HNRNPA3: variants seen among roughly 807,000 people sequenced by gnomAD.
The protein encoded by HNRNPA3 is heterogeneous nuclear ribonucleoprotein A3.
In HNRNPA3, 3 loss-of-function variants were observed where a neutral mutation model predicts 45.8. The ratio of observed to expected loss-of-function variants is 0.07; its 90% CI spans 0.03 to 0.17. The LOEUF (loss-of-function observed/expected upper bound fraction) is 0.17, where lower values mean the gene tolerates loss of function less well. Among genes scored for constraint, HNRNPA3 ranks in the 10% least tolerant of loss-of-function variants. The pLI, the probability that HNRNPA3 is intolerant of heterozygous loss-of-function variation, is 1.00. For synonymous variants in HNRNPA3, 170 were observed against 155.6 expected (o/e 1.09, Z -0.69); for missense variants, 183 against 480.3 (o/e 0.38, Z 5.79).
intron 7 of HNRNPA3, among the ~76,000 whole-genome samples, chr2:177,217,384 TAGCTATTC>T (rs1362725053): frequency 6.6e-6 from 1 of 152,250 alleles, no homozygotes; most frequent in Non-Finnish European, 1.5e-5. Context: ...TGAGTAATTC[TAGCTATTC>T]AGGAGGCTGA....
intron 8 of HNRNPA3, among the ~76,000 whole-genome samples, chr2:177,218,115 G>A (rs1246822904): frequency 7.2e-6 from 1 of 139,536 alleles, no homozygotes. Context: ...AGGCTGGAGT[G>A]CAGTGGCGTG....
intron 8 of HNRNPA3, among the ~76,000 whole-genome samples, chr2:177,218,720 G>A (rs148847815): frequency 6.6e-6 from 1 of 152,338 alleles, no homozygotes; most frequent in African/African-American, 2.4e-5. Flanking sequence ...AATGACAGAT[G>A]AGTGGAAGTT....
At chr2:177,216,579 T>C in exon 5 of HNRNPA3, 1 of 1,613,934 alleles carries the variant, frequency 6.2e-7, no homozygotes, top group Non-Finnish European at 8.5e-7. Context: ...TGCAGTCTGC[T>C]GGATCACAGA....
chr2:177,219,210 G>T, intron 9 of HNRNPA3, 37 bp from the exon 10 acceptor site: 1 of 1,611,074 alleles, frequency 6.2e-7, no homozygotes, highest in Non-Finnish European at 8.5e-7. Context: ...TTTAAAAAAT[G>T]TGCATACTTC....
intron 2 of HNRNPA3, 36 bp downstream of exon 2, chr2:177,215,697 T>G: frequency 6.2e-7 from 1 of 1,613,012 alleles, no homozygotes; most frequent in Non-Finnish European, 8.5e-7. Context: ...TTCTAAGGGG[T>G]GTAGAGAACC....
chr2:177,220,463 ACTTTAAATT>A (rs1453542285), downstream of HNRNPA3: 16 of 154,082 alleles, frequency 1.0e-4, no homozygotes. Flanking sequence ...ATCTTGAGTT[ACTTTAAATT>A]CTTTTTTTTG....
In HNRNPA3 at chr2:177,218,678, T is replaced by G. The variant is rs534726995; in HGVS notation, c.962-359T>G. On this transcript the variant is annotated intron_variant, in intron 8 of 10. Coordinates refer to ENST00000392524, the Ensembl canonical transcript of HNRNPA3. ...ATACTGTTAAAAGCTTTCTTAGGAA[T>G]GCACTGTTTTATTGGACCTAATTAA... 1.4e-3 allele frequency among the ~76,000 whole-genome samples: 206 copies of G among 152,340 alleles called. 1 individual carries two copies. The highest frequency in any genetic ancestry group is 4.9e-3 in the African/African-American group (202 of 41,584).
At chr2:177,222,959 T>C (rs1689248022), downstream of HNRNPA3, 1 of 152,552 alleles carries the variant, frequency 6.6e-6, no homozygotes, top group Admixed American at 6.5e-5. Context: ...TAAAAACACA[T>C]TTTCCCAAAG....
exon 11 of HNRNPA3, chr2:177,219,986 G>A (rs1486065960): frequency 6.6e-6 from 1 of 152,586 alleles, no homozygotes; most frequent in Non-Finnish European, 1.5e-5. Context: ...ACCATGATAT[G>A]AATGGGCGCT....
At chr2:177,216,307 A>G (rs1001366569) in intron 4 of HNRNPA3, 119 bp downstream of exon 4, 25 of 751,106 alleles carry the variant, frequency 3.3e-5, no homozygotes, top group Non-Finnish European at 4.3e-5. Flanking sequence ...TGTATAGTCA[A>G]TTTTCATAGT....
intron 1 of HNRNPA3, among the ~76,000 whole-genome samples, chr2:177,214,032 C>T (rs1688812058): frequency 6.6e-6 from 1 of 152,190 alleles, no homozygotes; most frequent in Non-Finnish European, 1.5e-5. Context: ...ACATCTCTAC[C>T]TCTAGGAGAC....
exon 11 of HNRNPA3, chr2:177,219,658 G>A (rs1689102622): frequency 5.5e-6 from 1 of 181,714 alleles, no homozygotes; most frequent in African/African-American, 2.4e-5. Flanking sequence ...ACATTCCTGA[G>A]GTCTTTTATC....
intron 1 of HNRNPA3, among the ~76,000 whole-genome samples, chr2:177,214,443 T>C (rs1383840745): frequency 6.6e-6 from 1 of 152,088 alleles, no homozygotes; most frequent in Non-Finnish European, 1.5e-5. Context: ...TTGAAAGCAG[T>C]GAGTTTCTGT....
downstream of HNRNPA3, chr2:177,220,950 T>C (rs1476586552): frequency 6.6e-6 from 1 of 152,598 alleles, no homozygotes; most frequent in African/African-American, 2.4e-5. Flanking sequence ...TTCAAGTCTT[T>C]TGTTTTAAGA....
chr2:177,216,259 A>G, intron 4 of HNRNPA3, 71 bp downstream of exon 4: 2 of 1,093,374 alleles, frequency 1.8e-6, no homozygotes, highest in South Asian at 2.8e-5. Flanking sequence ...TAAATTTGCT[A>G]AATTGTAATT....
At chr2:177,223,941 AAAC>A (rs1357703320), downstream of HNRNPA3, 4 of 152,256 alleles carry the variant, frequency 2.6e-5, no homozygotes, top group African/African-American at 4.8e-5. Context: ...GTAAGTAATA[AAAC>A]AACAGGAAAC....
At chr2:177,219,985 T>C (rs1689119767) in exon 11 of HNRNPA3, 1 of 152,658 alleles carries the variant, frequency 6.6e-6, no homozygotes, top group East Asian at 1.9e-4. Context: ...AACCATGATA[T>C]GAATGGGCGC....
At position 177,219,168 on chromosome 2, in the gene HNRNPA3, T is replaced by C. The variant is rs1392452254; in HGVS notation, c.1084+9T>C. The C allele has an allele frequency of 1.2e-5, 19 of 1,612,400 alleles. No homozygotes were observed. The highest frequency in any genetic ancestry group is 1.4e-5 in the Non-Finnish European group (16 of 1,179,560). ...GGGCAGTCCCTATGGTGGTAAGTACTTTCTTAAATCAATTCTTTAGAGCCT... is the reference window on the plus strand; with the variant it reads ...GGGCAGTCCCTATGGTGGTAAGTACCTTCTTAAATCAATTCTTTAGAGCCT... On this transcript the variant is annotated intron_variant, in intron 9 of 10. Transcript: ENST00000392524.
chr2:177,218,052 CTTTTTTTTTTTTT>C (rs58476089), intron 8 of HNRNPA3, among the ~76,000 whole-genome samples: 15 of 102,164 alleles, frequency 1.5e-4, no homozygotes, highest in Admixed American at 4.2e-4. Flanking sequence ...TCTCTTTTTT[CTTTTTTTTTTTTT>C]TTTTTTTTTT....
Sources: allele counts gnomAD v4.1 joint callset (sites outside exome capture counted in the v4.1 genomes callset), GRCh38; gene constraint gnomAD v4.1.1; transcripts MANE v1.5; gene names NCBI Gene and HGNC (gene_info 2026-07-23, HGNC 2026-07-21).